The following DCLK1 variants were observed in gnomAD, a reference collection of about 807,000 sequenced individuals.
DCLK1 encodes doublecortin like kinase 1.
Under a neutral mutation model 86.2 loss-of-function variants are expected in DCLK1, and 16 were observed. The observed-to-expected ratio is 0.19, with a 90% CI of 0.13 to 0.28. DCLK1 has a LOEUF of 0.28. DCLK1 is among the 10% of genes least tolerant of loss of function. The pLI is 1.00. For synonymous variants in DCLK1, 369 were observed against 370.5 expected (o/e 1.00, Z 0.05); for missense variants, 590 against 940.2 (o/e 0.63, Z 4.87).
intron 8 of DCLK1, among the ~76,000 whole-genome samples, chr13:35,833,167 A>C (rs1384850134): frequency 6.6e-6 from 1 of 152,054 alleles, no homozygotes; most frequent in Non-Finnish European, 1.5e-5. Context: ...CAAGGATTTT[A>C]ATTCATCTCT....
intron 3 of DCLK1, among the ~76,000 whole-genome samples, chr13:35,961,483 A>G (rs969786451): frequency 1.3e-5 from 2 of 152,236 alleles, no homozygotes; most frequent in African/African-American, 4.8e-5. Flanking sequence ...TGCAATCAAC[A>G]TTGACCAAAG....
At chr13:36,044,588 C>T (rs1209293016) in intron 3 of DCLK1, among the ~76,000 whole-genome samples, 1 of 151,980 alleles carries the variant, frequency 6.6e-6, no homozygotes, top group Non-Finnish European at 1.5e-5. Context: ...GAAAACTCAG[C>T]AAAATTTTAA....
intron 5 of DCLK1, among the ~76,000 whole-genome samples, chr13:35,865,829 G>A (rs1871749187): frequency 6.6e-6 from 1 of 152,158 alleles, no homozygotes; most frequent in Non-Finnish European, 1.5e-5. Flanking sequence ...GACTTACAAG[G>A]GAGGTTTCTG....
intron 4 of DCLK1, among the ~76,000 whole-genome samples, chr13:35,879,690 G>C (rs544031907): frequency 6.6e-6 from 1 of 152,064 alleles, no homozygotes; most frequent in Non-Finnish European, 1.5e-5. Context: ...TTTCAACCCC[G>C]GGGGAAAGCA....
At chr13:35,959,030 C>T (rs1383889183) in intron 3 of DCLK1, among the ~76,000 whole-genome samples, 1 of 152,110 alleles carries the variant, frequency 6.6e-6, no homozygotes, top group African/African-American at 2.4e-5. Context: ...AAAATGAAAG[C>T]TTGGTTTCAA....
intron 3 of DCLK1, among the ~76,000 whole-genome samples, chr13:36,098,560 C>CA (rs758951025): frequency 1.1e-4 from 17 of 150,898 alleles, no homozygotes; most frequent in African/African-American, 2.2e-4. Flanking sequence ...CTTTTGTCTT[C>CA]AAAAAAAAAG....
chr13:35,918,492 C>T (rs1476269323), intron 4 of DCLK1, among the ~76,000 whole-genome samples: 5 of 152,262 alleles, frequency 3.3e-5, no homozygotes, highest in African/African-American at 1.2e-4. Context: ...TGCATAGTAG[C>T]TTCCATGGAC....
intron 4 of DCLK1, among the ~76,000 whole-genome samples, chr13:35,904,060 T>A (rs866911058): frequency 5.3e-5 from 8 of 149,638 alleles, no homozygotes; most frequent in African/African-American, 7.7e-5. Context: ...TTTTTTTTTT[T>A]AAAGTTTAAA....
chr13:36,131,397 G>A (rs2138234305), upstream of DCLK1: 1 of 195,354 alleles, frequency 5.1e-6, no homozygotes, highest in Non-Finnish European at 1.0e-5. Flanking sequence ...GCGGCGGCGG[G>A]CGCGCTCCCT....
chr13:35,785,428 A>C (rs531717181), intron 16 of DCLK1, among the ~76,000 whole-genome samples: 1 of 151,986 alleles, frequency 6.6e-6, no homozygotes, highest in South Asian at 2.1e-4. Context: ...GTGAGCTCAC[A>C]CCTGGGGCAG....
intron 4 of DCLK1, among the ~76,000 whole-genome samples, chr13:35,910,661 C>T (rs1451667646): frequency 2.0e-5 from 3 of 152,186 alleles, no homozygotes; most frequent in Admixed American, 2.0e-4. Context: ...TAGCAGCATC[C>T]TGACTTCCCA....
intron 4 of DCLK1, 31 bp from the exon 5 acceptor site, chr13:35,871,371 A>G: frequency 1.3e-6 from 2 of 1,540,584 alleles, no homozygotes; most frequent in Non-Finnish European, 1.8e-6. Flanking sequence ...ACACATCATT[A>G]TGGGGTAATG....
At chr13:35,954,990 A>T (rs147249329) in intron 3 of DCLK1, among the ~76,000 whole-genome samples, 1 of 152,140 alleles carries the variant, frequency 6.6e-6, no homozygotes, top group Admixed American at 6.5e-5. Flanking sequence ...GAAAAAGTCA[A>T]TTATGGAATT....
chr13:35,951,582 T>C (rs538263210), intron 3 of DCLK1, among the ~76,000 whole-genome samples: 2 of 151,844 alleles, frequency 1.3e-5, no homozygotes, highest in African/African-American at 4.8e-5. Flanking sequence ...GATCAATACG[T>C]GTTTACTGAG....
intron 3 of DCLK1, among the ~76,000 whole-genome samples, chr13:35,968,970 C>T (rs1488324544): frequency 1.3e-5 from 2 of 152,182 alleles, no homozygotes; most frequent in African/African-American, 2.4e-5. Context: ...TGCTCATCTA[C>T]AGTTCAAAAC....
At chr13:36,095,937 C>A (rs1453913396) in intron 3 of DCLK1, among the ~76,000 whole-genome samples, 1 of 152,074 alleles carries the variant, frequency 6.6e-6, no homozygotes, top group Non-Finnish European at 1.5e-5. Context: ...AAGGAAATTA[C>A]AATAAACCAT....
chr13:35,978,793 C>A (rs1879487071), intron 3 of DCLK1, among the ~76,000 whole-genome samples: 1 of 152,048 alleles, frequency 6.6e-6, no homozygotes, highest in African/African-American at 2.4e-5. Context: ...TCTGTAAGGC[C>A]CCATTTCACA....
At chr13:36,006,979 T>C (rs1248650859) in intron 3 of DCLK1, among the ~76,000 whole-genome samples, 1 of 152,242 alleles carries the variant, frequency 6.6e-6, no homozygotes, top group African/African-American at 2.4e-5. Flanking sequence ...CATAACATAA[T>C]GCTTTCAAGT....
intron 16 of DCLK1, among the ~76,000 whole-genome samples, chr13:35,775,368 A>G (rs1169639523): frequency 6.6e-6 from 1 of 152,208 alleles, no homozygotes; most frequent in African/African-American, 2.4e-5. Flanking sequence ...TTTTCATCAT[A>G]GTATTTGGTA....
Sources: gnomAD v4.1 joint callset for allele counts (sites outside exome capture counted in the v4.1 genomes callset) on GRCh38, gnomAD v4.1.1 for gene constraint, MANE v1.5 for transcripts, NCBI Gene and HGNC (gene_info 2026-07-23, HGNC 2026-07-21) for gene names.